Variants in TNRC18 observed in about 807,000 individuals in gnomAD.
The protein encoded by TNRC18 is trinucleotide repeat containing 18, also known as trinucleotide repeat-containing gene 18 protein.
In TNRC18, 69 loss-of-function variants were observed where a neutral mutation model predicts 226.7. The observed-to-expected ratio is 0.30, with a 90% CI of 0.25 to 0.37. The LOEUF (loss-of-function observed/expected upper bound fraction) is 0.37, where lower values mean the gene tolerates loss of function less well. Ranked by LOEUF, TNRC18 falls within the 10% of genes least tolerant of loss-of-function variation. The pLI, the probability that TNRC18 is intolerant of heterozygous loss-of-function variation, is 1.00. For missense variants in TNRC18, 4,754 were observed against 4,256.6 expected, an observed-to-expected ratio of 1.12 and a Z score of -3.25; for synonymous variants, 2,449 against 1,927.6, an observed-to-expected ratio of 1.27 and a Z score of -7.09.
At chr7:5,400,205 T>C (rs1044767930) in intron 2 of TNRC18, among the ~76,000 whole-genome samples, 11 of 152,230 alleles carry the variant, frequency 7.2e-5, no homozygotes, top group Middle Eastern at 3.4e-3. Context: ...TCTATGATTA[T>C]TGTTATTATT....
intron 11 of TNRC18, among the ~76,000 whole-genome samples, chr7:5,366,679 T>A (rs1011090539): frequency 1.3e-5 from 2 of 152,022 alleles, no homozygotes; most frequent in African/African-American, 4.8e-5. Flanking sequence ...CCTGATCAGC[T>A]CCCAAAGGTT....
intron 16 of TNRC18, among the ~76,000 whole-genome samples, chr7:5,353,420 G>A (rs1013203838): frequency 3.9e-5 from 6 of 152,040 alleles, no homozygotes; most frequent in East Asian, 3.9e-4. Flanking sequence ...GTATTGTATT[G>A]TAGTGGACAG....
intron 19 of TNRC18, among the ~76,000 whole-genome samples, chr7:5,328,507 G>A (rs1230757895): frequency 3.3e-5 from 4 of 121,382 alleles, no homozygotes; most frequent in East Asian, 3.3e-4. Context: ...CTTCCCCGCC[G>A]CCGCCTTTTT....
chr7:5,361,883 G>A lies in TNRC18; in HGVS notation c.4532+14C>T. ...GGGCAGGGGCCCCACGGGGCGGGCGGGGGACACACTCACTCGGAGTCCCGG... is the reference window on the plus strand; with the variant it reads ...GGGCAGGGGCCCCACGGGGCGGGCGAGGGACACACTCACTCGGAGTCCCGG... On this transcript the variant is annotated intron_variant, in intron 13 of 29. Coordinates refer to ENST00000430969, the MANE Select transcript of TNRC18 (RefSeq NM_001080495.3). The A allele has an allele frequency of 6.5e-7, 1 of 1,543,520 alleles. No individual in the cohort carries two copies. The highest frequency in any genetic ancestry group is 8.7e-7 in the Non-Finnish European group (1 of 1,145,604).
rs772685503 is a variant in TNRC18 at position 5,307,926 on chromosome 7, GTGCACACACGTGCA to G, written c.*166_*179del. 1.1e-5 allele frequency: 7 copies of G among 619,346 alleles called. No individual in the cohort carries two copies. The highest frequency in any genetic ancestry group is 2.8e-5 in the East Asian group (1 of 36,244). 38.4% of individuals were successfully genotyped at this position (619,346 alleles called of 1,614,324 possible). On this transcript the variant is annotated 3_prime_UTR_variant, in exon 30 of 30. Coordinates refer to ENST00000430969, the MANE Select transcript of TNRC18 (RefSeq NM_001080495.3). ...TGGGGCTGGAGGCATGTGCACATGC[GTGCACACACGTGCA>G]TGCACACACACTCACCCGGGCATCC...
chr7:5,373,457 A>G (rs940466364), intron 10 of TNRC18, among the ~76,000 whole-genome samples: 1 of 152,230 alleles, frequency 6.6e-6, no homozygotes, highest in African/African-American at 2.4e-5. Flanking sequence ...GGAAACTGAC[A>G]AAGGAGAGAC....
At chr7:5,378,801 A>C (rs987691793) in intron 5 of TNRC18, among the ~76,000 whole-genome samples, 2 of 152,092 alleles carry the variant, frequency 1.3e-5, no homozygotes, top group Non-Finnish European at 2.9e-5. Context: ...GGAGAAAAAA[A>C]ACACAACCCA....
chr7:5,340,687 G>A (rs972430461), intron 18 of TNRC18, among the ~76,000 whole-genome samples: 3 of 151,162 alleles, frequency 2.0e-5, no homozygotes, highest in Admixed American at 6.6e-5. Flanking sequence ...AGGTTGCAGT[G>A]AGCTGAGATT....
In TNRC18 at chr7:5,361,689, T is replaced by C; in HGVS notation, c.4566A>G (p.Ala1522=). 1 of 1,566,592 alleles carries C rather than the reference T, an allele frequency of 6.4e-7. No homozygotes were observed. The highest frequency in any genetic ancestry group is 8.6e-7 in the Non-Finnish European group (1 of 1,156,424). Residue 1522 remains alanine, a synonymous_variant, in exon 14 of 30, where the codon GCA becomes GCG. Coordinates refer to ENST00000430969, the MANE Select transcript of TNRC18 (RefSeq NM_001080495.3). ...TCCGCGGCCTGCCAGGGCCTCTGCG[T>C]GCCAAGCTTCTATGGGGTTCCTCGC... ...DRREEPHRSL[A]RRGPGRPRKR...
chr7:5,381,336 C>G (rs899583914), intron 5 of TNRC18, among the ~76,000 whole-genome samples: 1 of 152,156 alleles, frequency 6.6e-6, no homozygotes, highest in Non-Finnish European at 1.5e-5. Context: ...ACCTGGCCGG[C>G]CTCTCGAGGA....
Position 5,370,881 on chromosome 7 carries a change from G to T in TNRC18, c.3713C>A (p.Pro1238His). Residue 1238 changes from proline to histidine, a missense_variant, in exon 11 of 30, where the codon CCC (proline) becomes CAC (histidine). Transcript: ENST00000430969. ...CCCCAGGTCCAGGGCGGCGGTGCAG[G>T]GTTCTGTCCGGCCCGGGGAATCCAC... ...PRVDSPGRTE[P>H]CTAALDLGVQ... is the part of the protein sequence containing the mutation. 1 of 1,607,370 alleles carries T rather than the reference G, an allele frequency of 6.2e-7. No individual in the cohort carries two copies. The highest frequency in any genetic ancestry group is 8.5e-7 in the Non-Finnish European group (1 of 1,179,706).
chr7:5,420,451 A>C (rs1033122505), intron 2 of TNRC18: 4 of 454,098 alleles, frequency 8.8e-6, no homozygotes, highest in African/African-American at 8.0e-5. Context: ...ACCGGGGTGC[A>C]GGTTCCCAGG....
intron 2 of TNRC18, among the ~76,000 whole-genome samples, chr7:5,419,660 A>G (rs751705413): frequency 1.4e-4 from 21 of 152,204 alleles, no homozygotes; most frequent in Non-Finnish European, 2.5e-4. Context: ...CCAGCTCCGG[A>G]GGGACACAAG....
chr7:5,309,879 G>A lies in TNRC18; in HGVS notation c.8389-511C>T, dbSNP rs1305838541. Among the ~76,000 whole-genome samples the A allele has an allele frequency of 6.6e-6, 1 of 152,160 alleles. No individual in the cohort carries two copies. The highest frequency in any genetic ancestry group is 1.5e-5 in the Non-Finnish European group (1 of 68,022). ...TGCCTCCCAAAGCACTAGGATCGCAGTGTCAGCCACTGCACCTGGCCTTAT... is the reference window on the plus strand; with the variant it reads ...TGCCTCCCAAAGCACTAGGATCGCAATGTCAGCCACTGCACCTGGCCTTAT... On this transcript the variant is annotated intron_variant, in intron 27 of 29. Transcript: ENST00000430969. This position sits in a 1 kb window ranked among gnomAD's most constrained non-coding sequence, Gnocchi z 5.7.
intron 18 of TNRC18, among the ~76,000 whole-genome samples, chr7:5,339,790 G>C (rs62443183): frequency 2.0e-5 from 3 of 147,886 alleles, no homozygotes; most frequent in African/African-American, 7.6e-5. Context: ...GGCTGGTCTC[G>C]AACTCCTGAC....
chr7:5,357,809 T>TG (rs1315629934), intron 15 of TNRC18, among the ~76,000 whole-genome samples: 2 of 152,024 alleles, frequency 1.3e-5, no homozygotes, highest in Non-Finnish European at 2.9e-5. Context: ...CTCTGTAAAA[T>TG]GGGGGTACTT....
intron 5 of TNRC18, 96 bp from the exon 6 acceptor site, chr7:5,378,120 G>C: frequency 2.1e-6 from 2 of 944,420 alleles, no homozygotes; most frequent in African/African-American, 3.2e-5. Flanking sequence ...GGGCCCCCCA[G>C]AGCCCCGACG....
At chr7:5,323,750 T>C (rs907393414) in intron 21 of TNRC18, among the ~76,000 whole-genome samples, 2 of 151,896 alleles carry the variant, frequency 1.3e-5, no homozygotes, top group African/African-American at 4.8e-5. Flanking sequence ...GTATTTTCAG[T>C]AGAATCAGGG....
rs749000232 is a variant in TNRC18, at chr7:5,313,397, G to A, written c.7494C>T (p.Leu2498=). 5.6e-6 allele frequency: 9 copies of A among 1,594,184 alleles called. No homozygotes were observed. In the Admixed American group the frequency reaches 7.0e-5, roughly 12 times the overall value. The change falls in exon 27 of 30, where the codon CTC becomes CTT. Residue 2498 remains leucine (L), a synonymous_variant. Coordinates refer to ENST00000430969, the MANE Select transcript of TNRC18 (RefSeq NM_001080495.3). ...GAGGWQEPKS[L]LSLGSYPPAA... The stretch of plus-strand genomic sequence containing the variant: ...CGGGGGGATAGCTGCCCAGGCTCAG[G>A]AGGCTCTTGGGCTCCTGCCAGCCCC...
Sources: gnomAD v4.1 joint callset for allele counts (sites outside exome capture counted in the v4.1 genomes callset) on GRCh38, gnomAD v4.1.1 for gene constraint, Gnocchi (gnomAD v3.1) non-coding constraint, MANE v1.5 for transcripts, NCBI Gene and HGNC (gene_info 2026-07-23, HGNC 2026-07-21) for gene names.